Variants in TRPM2 observed in about 807,000 individuals in gnomAD.
TRPM2 encodes the protein estrogen-responsive element-associated gene 1 protein.
In TRPM2, 161 loss-of-function variants were observed where a neutral mutation model predicts 174.0. The observed-to-expected ratio is 0.93, with a 90% CI of 0.81 to 1.05. The LOEUF (loss-of-function observed/expected upper bound fraction) is 1.05, where lower values mean the gene tolerates loss of function less well. Ranked by LOEUF, TRPM2 falls within the 50% of genes least tolerant of loss-of-function variation. TRPM2 has a pLI of 0.00. For missense variants in TRPM2, 2,057 were observed against 2,038.0 expected, an observed-to-expected ratio of 1.01 and a Z score of -0.18; for synonymous variants, 954 against 861.3, an observed-to-expected ratio of 1.11 and a Z score of -1.88.
At position 44,394,644 on chromosome 21, in the gene TRPM2, A is replaced by G. The variant is rs986110467; in HGVS notation, c.1795-770A>G. 5.9e-5 allele frequency among the ~76,000 whole-genome samples: 9 copies of G among 151,540 alleles called. No individual in the cohort carries two copies. In the East Asian group the frequency reaches 7.9e-4, roughly 13 times the overall value. ...GGGTATGGCTTGGTTTTATACATTC[A>G]CAATCTGCGCTTCTTAAGTCCAGTG... On this transcript the variant is annotated intron_variant, in intron 11 of 31. Coordinates refer to ENST00000397928, the MANE Select transcript of TRPM2 (RefSeq NM_003307.4).
rs573835688 is a variant in TRPM2 at position 44,423,660 on chromosome 21, G to A, written c.3477G>A (p.Val1159=). ...CCTCTTTCAGGGTTGACGCCATGGT[G>A]GACCTGCTGGACCTGGACCCACTGA... ...EDISNKVDAM[V]DLLDLDPLKR... The change falls in exon 23 of 32, where the codon GTG becomes GTA. Residue 1159 remains valine, a synonymous_variant. Transcript: ENST00000397928. 6.2e-7 allele frequency: 1 copy of A among 1,612,804 alleles called. No individual in the cohort carries two copies. The highest frequency in any genetic ancestry group is 1.1e-5 in the South Asian group (1 of 90,542).
chr21:44,412,422 G>A (rs1424737865), intron 19 of TRPM2, among the ~76,000 whole-genome samples: 2 of 151,548 alleles, frequency 1.3e-5, no homozygotes, highest in African/African-American at 2.4e-5. Flanking sequence ...TTTTCTTTTT[G>A]TAAGATTAGT....
chr21:44,407,459 T>A (rs1191072276), intron 19 of TRPM2, among the ~76,000 whole-genome samples: 1 of 146,852 alleles, frequency 6.8e-6, no homozygotes, highest in Non-Finnish European at 1.5e-5. Flanking sequence ...GGTTTTTTTT[T>A]TTTTTTTTTT....
chr21:44,406,188 C>T (rs2049868277), intron 18 of TRPM2, 151 bp downstream of exon 18: 11 of 1,019,338 alleles, frequency 1.1e-5, no homozygotes, highest in African/African-American at 3.3e-5. Context: ...CCAAGAATGC[C>T]CTTCTCGTAT....
intron 27 of TRPM2, among the ~76,000 whole-genome samples, chr21:44,428,724 G>A (rs1389361904): frequency 7.2e-6 from 1 of 138,634 alleles, no homozygotes; most frequent in Non-Finnish European, 1.6e-5. Flanking sequence ...TCCTCCCTGA[G>A]GTGTGGCTCC....
At chr21:44,398,907 G>A (rs2049518236) in intron 13 of TRPM2, among the ~76,000 whole-genome samples, 1 of 152,138 alleles carries the variant, frequency 6.6e-6, no homozygotes, top group Non-Finnish European at 1.5e-5. Flanking sequence ...CAAGAAGGGG[G>A]TTCGTTTCGG....
At chr21:44,384,397 C>T (rs28616807) in intron 9 of TRPM2, among the ~76,000 whole-genome samples, 5,092 of 152,260 alleles carry the variant, frequency 0.033, 251 homozygotes, top group African/African-American at 0.1. Context: ...CTGGCAAGGG[C>T]CTGCCTCATG....
At chr21:44,395,140 A>T (rs2049301258) in intron 11 of TRPM2, among the ~76,000 whole-genome samples, 1 of 152,256 alleles carries the variant, frequency 6.6e-6, no homozygotes, top group Admixed American at 6.5e-5. Flanking sequence ...GGGAACTTGA[A>T]GTGCCTGGCA....
Position 44,366,928 on chromosome 21 carries a change from ACC to A in TRPM2, c.599_600del (p.Thr200AsnfsTer68). 1 of 1,584,246 alleles carries A rather than the reference ACC, an allele frequency of 6.3e-7. No individual in the cohort carries two copies. Among genetic ancestry groups the A allele is most frequent in the African/African-American group, 1.3e-5 (1 of 74,328 alleles). ...CAGAGGCCTGGTCAAGGTGGCTCAG[ACC>A]ACAGGTAACTCGGAGGCTGGAGGGA... ...FRRGLVKVAQ[T>X]TGAWIITGGS... On this transcript the variant is annotated frameshift_variant, in exon 4 of 32. Coordinates refer to ENST00000397928, the MANE Select transcript of TRPM2 (RefSeq NM_003307.4). LOFTEE classifies it high-confidence loss of function. The surrounding 1 kb of genome is among the most constrained non-coding windows in gnomAD (Gnocchi z 6.0).
chr21:44,382,359 A>G (rs1364204038), intron 8 of TRPM2, among the ~76,000 whole-genome samples: 1 of 152,172 alleles, frequency 6.6e-6, no homozygotes, highest in African/African-American at 2.4e-5. Flanking sequence ...CGACAGACAG[A>G]CAGATAAATA....
intron 15 of TRPM2, 33 bp downstream of exon 15, chr21:44,400,404 G>T: frequency 6.4e-7 from 1 of 1,561,466 alleles, no homozygotes. Context: ...CGGGACTGTG[G>T]GGCTGCGGGG....
chr21:44,436,954 CAG>C (rs2051292600), intron 28 of TRPM2, 106 bp from the exon 29 acceptor site: 2 of 869,216 alleles, frequency 2.3e-6, no homozygotes, highest in Non-Finnish European at 3.5e-6. Context: ...TTTGAGCCTG[CAG>C]TGGGCCTGAC....
chr21:44,441,380 C>T lies in TRPM2; in HGVS notation c.4387-312C>T, dbSNP rs554531231. 6.2e-4 allele frequency among the ~76,000 whole-genome samples: 95 copies of T among 152,346 alleles called. 2 individuals are homozygous for T. Among genetic ancestry groups the T allele is most frequent in the African/African-American group, 2.1e-3 (89 of 41,582 alleles). On this transcript the variant is annotated intron_variant, in intron 31 of 31. Transcript: ENST00000397928. ...AGCTCTTTATGGGGATGTGGATTCCCAGTACTTGGATTAATCCTGCATGCT... is the reference window on the plus strand; with the variant it reads ...AGCTCTTTATGGGGATGTGGATTCCTAGTACTTGGATTAATCCTGCATGCT...
At position 44,427,064 on chromosome 21, in the gene TRPM2, C is replaced by T. The variant is rs2050820104; in HGVS notation, c.3927C>T (p.Asp1309=). The T allele has an allele frequency of 1.9e-6, 3 of 1,607,716 alleles. No homozygotes were observed. The highest frequency in any genetic ancestry group is 2.5e-6 in the Non-Finnish European group (3 of 1,177,916). The change falls in exon 27 of 32, where the codon GAC becomes GAT. Residue 1309 remains aspartate (D), a synonymous_variant. Coordinates refer to ENST00000397928, the MANE Select transcript of TRPM2 (RefSeq NM_003307.4). ...ACAACGTGGTGGATGGCCTGAGGGA[C>T]CGCCGGAGCTTCCACGGGCCGTACA... ...IQYNVVDGLR[D]RRSFHGPYTV...
rs2051419793 is a variant in TRPM2 at position 44,439,715 on chromosome 21, A to G, written c.4269+547A>G. ...AGCTCTCTCACACAAATGCATGCAC[A>G]CTTTTTTTTTAATTTTTATTTTTGG... On this transcript the variant is annotated intron_variant, in intron 30 of 31. Transcript: ENST00000397928. This position sits in a 1 kb window ranked among gnomAD's most constrained non-coding sequence, Gnocchi z 5.1. 6.6e-6 allele frequency among the ~76,000 whole-genome samples: 1 copy of G among 151,378 alleles called. No individual in the cohort carries two copies. Among genetic ancestry groups the G allele is most frequent in the African/African-American group, 2.4e-5 (1 of 41,176 alleles).
At chr21:44,420,148 C>A (rs1226539173) in intron 22 of TRPM2, among the ~76,000 whole-genome samples, 1 of 152,102 alleles carries the variant, frequency 6.6e-6, no homozygotes, top group African/African-American at 2.4e-5. Flanking sequence ...TCCAGTTGAG[C>A]CCTTGGCATG....
intron 5 of TRPM2, among the ~76,000 whole-genome samples, chr21:44,370,819 G>C (rs1223983161): frequency 6.6e-6 from 1 of 152,222 alleles, no homozygotes; most frequent in Non-Finnish European, 1.5e-5. Flanking sequence ...GAGCGGCTGG[G>C]TGACGTCCCA....
At chr21:44,404,321 T>G (rs1468548207) in intron 16 of TRPM2, among the ~76,000 whole-genome samples, 10 of 151,732 alleles carry the variant, frequency 6.6e-5, no homozygotes, top group Non-Finnish European at 1.3e-4. Flanking sequence ...CACATACACA[T>G]ATACACACAT....
At chr21:44,373,550 T>C (rs1211823125) in intron 5 of TRPM2, among the ~76,000 whole-genome samples, 1 of 101,562 alleles carries the variant, frequency 9.8e-6, no homozygotes, top group Non-Finnish European at 2.3e-5. Flanking sequence ...CTGCATTATA[T>C]GCGACCTGCA....
Sources: allele counts gnomAD v4.1 joint callset (sites outside exome capture counted in the v4.1 genomes callset), GRCh38; gene constraint gnomAD v4.1.1; non-coding constraint Gnocchi (gnomAD v3.1); transcripts MANE v1.5; gene names NCBI Gene and HGNC (gene_info 2026-07-23, HGNC 2026-07-21).